The following KIAA1958 variants were observed in gnomAD, a reference collection of about 807,000 sequenced individuals.
KIAA1958 encodes the protein KIAA1958.
KIAA1958 carries 14 observed loss-of-function variants against 47.2 expected under a neutral mutation model. That is an observed-to-expected ratio of 0.30 (90% CI 0.20 to 0.46). The LOEUF (loss-of-function observed/expected upper bound fraction) is 0.46. Among genes scored for constraint, KIAA1958 ranks in the 20% least tolerant of loss-of-function variants. The pLI is 1.00. For synonymous variants in KIAA1958, 354 were observed against 353.3 expected (o/e 1.00, Z -0.02); for missense variants, 803 against 909.2 (o/e 0.88, Z 1.50).
intron 2 of KIAA1958, among the ~76,000 whole-genome samples, chr9:112,587,804 A>G (rs1030226798): frequency 2.0e-5 from 3 of 152,208 alleles, no homozygotes; most frequent in African/African-American, 7.2e-5. Flanking sequence ...CCCCAATGCC[A>G]GCTCTTCAAA....
At chr9:112,532,885 A>G (rs192470495) in intron 1 of KIAA1958, among the ~76,000 whole-genome samples, 127 of 152,340 alleles carry the variant, frequency 8.3e-4, no homozygotes, top group Admixed American at 1.6e-3. Flanking sequence ...AATCAGTGCA[A>G]CAAAACTTGG....
At chr9:112,616,547 A>G (rs957283762) in intron 2 of KIAA1958, among the ~76,000 whole-genome samples, 3 of 152,244 alleles carry the variant, frequency 2.0e-5, no homozygotes, top group Non-Finnish European at 4.4e-5. Context: ...TAAACAAAAT[A>G]CTTTTACTTT....
At chr9:112,609,320 G>A (rs375605814) in intron 2 of KIAA1958, among the ~76,000 whole-genome samples, 2 of 152,112 alleles carry the variant, frequency 1.3e-5, no homozygotes, top group African/African-American at 2.4e-5. Flanking sequence ...ACTTAAATTC[G>A]ACGTAACTTT....
chr9:112,541,996 T>C (rs1251114581), intron 1 of KIAA1958, among the ~76,000 whole-genome samples: 2 of 152,202 alleles, frequency 1.3e-5, no homozygotes, highest in African/African-American at 4.8e-5. Context: ...ATATTTTTCT[T>C]AGCACTGCTT....
At chr9:112,573,172 C>T (rs74422410) in intron 1 of KIAA1958, among the ~76,000 whole-genome samples, 4,603 of 152,276 alleles carry the variant, frequency 0.03, 101 homozygotes, top group Non-Finnish European at 0.045. Flanking sequence ...ACAAGGGCTT[C>T]TTTTTGTCTC....
At chr9:112,502,531 G>T (rs1372527500) in intron 1 of KIAA1958, among the ~76,000 whole-genome samples, 1 of 152,154 alleles carries the variant, frequency 6.6e-6, no homozygotes, top group African/African-American at 2.4e-5. Context: ...CTGTGTAAAT[G>T]TTCCAGTTGC....
At chr9:112,572,222 A>T (rs1444171999) in intron 1 of KIAA1958, among the ~76,000 whole-genome samples, 1 of 152,198 alleles carries the variant, frequency 6.6e-6, no homozygotes, top group African/African-American at 2.4e-5. Context: ...CCCTTGAATG[A>T]TTACAATAAA....
At chr9:112,536,035 C>A (rs935580094) in intron 1 of KIAA1958, among the ~76,000 whole-genome samples, 1 of 152,200 alleles carries the variant, frequency 6.6e-6, no homozygotes, top group African/African-American at 2.4e-5. Flanking sequence ...TCCCTTCCTT[C>A]CATTCTCATC....
intron 3 of KIAA1958, among the ~76,000 whole-genome samples, chr9:112,652,445 G>A (rs1316019396): frequency 6.6e-6 from 1 of 152,154 alleles, no homozygotes; most frequent in African/African-American, 2.4e-5. Flanking sequence ...ACTGTTTCTT[G>A]TGTGCAAACA....
intron 2 of KIAA1958, among the ~76,000 whole-genome samples, chr9:112,593,363 C>T (rs1021651871): frequency 3.3e-5 from 5 of 152,084 alleles, no homozygotes; most frequent in Non-Finnish European, 7.4e-5. Context: ...TAAAAGGCCA[C>T]GGAGGGGGTC....
At chr9:112,571,651 A>C (rs989747739) in intron 1 of KIAA1958, among the ~76,000 whole-genome samples, 1 of 151,994 alleles carries the variant, frequency 6.6e-6, no homozygotes, top group African/African-American at 2.4e-5. Context: ...ATTAATAGCT[A>C]TGTTAAGTTC....
At chr9:112,571,253 A>G (rs961376609) in intron 1 of KIAA1958, among the ~76,000 whole-genome samples, 1 of 152,220 alleles carries the variant, frequency 6.6e-6, no homozygotes, top group South Asian at 2.1e-4. Flanking sequence ...ACCCCATGTC[A>G]GTTTATCACT....
intron 1 of KIAA1958, among the ~76,000 whole-genome samples, chr9:112,562,027 C>T (rs1835339754): frequency 6.6e-6 from 1 of 152,120 alleles, no homozygotes; most frequent in South Asian, 2.1e-4. Context: ...TTAGGAGTGA[C>T]TTGAGTCTAA....
intron 1 of KIAA1958, among the ~76,000 whole-genome samples, chr9:112,519,958 C>T (rs779890589): frequency 6.6e-6 from 1 of 152,074 alleles, no homozygotes; most frequent in African/African-American, 2.4e-5. Context: ...TACAATATTG[C>T]AGGAAGTGGA....
At chr9:112,493,118 A>G (rs1208873739) in intron 1 of KIAA1958, among the ~76,000 whole-genome samples, 2 of 151,610 alleles carry the variant, frequency 1.3e-5, no homozygotes, top group East Asian at 3.9e-4. Context: ...TGGAAGTGCT[A>G]ATGCTGTTAT....
At chr9:112,560,152 G>A (rs1835301903) in intron 1 of KIAA1958, among the ~76,000 whole-genome samples, 1 of 150,028 alleles carries the variant, frequency 6.7e-6, no homozygotes, top group African/African-American at 2.4e-5. Flanking sequence ...TTCTGCCTTG[G>A]CCTGGCCTGC....
rs1835605618 is a variant in KIAA1958 at position 112,574,637 on chromosome 9, C to G, written c.557C>G (p.Ser186Cys). Reference protein sequence around the residue: ...GVVPSSLHSSSQTQMVDECSN... With the variant: ...GVVPSSLHSSCQTQMVDECSN... ...GTCCCATCTTCCCTCCATTCAAGCTCCCAGACGCAGATGGTTGACGAATGC... is the reference window on the plus strand; with the variant it reads ...GTCCCATCTTCCCTCCATTCAAGCTGCCAGACGCAGATGGTTGACGAATGC... The change falls in exon 2 of 4, where the codon TCC becomes TGC. Residue 186 changes from serine (S) to cysteine (C), a missense_variant. Physicochemically the swap from Ser to Cys is moderately radical, Grantham distance 112. This residue lies in a region of KIAA1958 where 761 missense variants were observed against 829.3 expected (regional missense o/e 0.92). Coordinates refer to ENST00000337530, the MANE Select transcript of KIAA1958 (RefSeq NM_133465.4). 2 of 1,614,044 alleles carry G rather than the reference C, an allele frequency of 1.2e-6. No homozygotes were observed. The highest frequency in any genetic ancestry group is 3.3e-5 in the Admixed American group (2 of 60,012).
intron 2 of KIAA1958, among the ~76,000 whole-genome samples, chr9:112,577,565 C>G (rs1835667368): frequency 6.8e-6 from 1 of 147,672 alleles, no homozygotes; most frequent in Non-Finnish European, 1.5e-5. Flanking sequence ...GGGTAGAATT[C>G]AGAAATGTAT....
intron 1 of KIAA1958, among the ~76,000 whole-genome samples, chr9:112,521,022 C>G (rs1296732066): frequency 6.6e-6 from 1 of 151,658 alleles, no homozygotes; most frequent in Admixed American, 6.6e-5. Flanking sequence ...TAAGCCTTTT[C>G]TTCTTGTTTC....
Sources: gnomAD v4.1 joint callset for allele counts (sites outside exome capture counted in the v4.1 genomes callset) on GRCh38, gnomAD v4.1.1 for gene constraint, gnomAD v4.1.1 regional missense constraint, MANE v1.5 for transcripts, NCBI Gene and HGNC (gene_info 2026-07-23, HGNC 2026-07-21) for gene names.